Variants in GRIK2 observed in about 807,000 individuals in gnomAD.
The protein encoded by GRIK2 is glutamate receptor ionotropic, kainate 2.
A neutral mutation model predicts 100.3 loss-of-function variants in GRIK2; 32 were observed. That is an observed-to-expected ratio of 0.32 (90% CI 0.24 to 0.43). The LOEUF is 0.43. GRIK2 is among the 20% of genes least tolerant of loss of function. GRIK2 has a pLI of 1.00. For synonymous variants in GRIK2, 417 were observed against 389.4 expected (o/e 1.07, Z -0.83); for missense variants, 843 against 1,114.9 (o/e 0.76, Z 3.47).
intron 14 of GRIK2, among the ~76,000 whole-genome samples, chr6:101,974,783 G>C (rs1002681711): frequency 2.6e-5 from 4 of 151,838 alleles, no homozygotes. Flanking sequence ...TAAATAGCTG[G>C]GTACTAACCT....
chr6:101,424,099 A>G lies in GRIK2; in HGVS notation c.115+24707A>G, dbSNP rs529448176. ...TTTCTGTAAAGAAACAGGAGATTCAACTTGCAATAAAATTCATAACAAGTG... is the reference window on the plus strand; with the variant it reads ...TTTCTGTAAAGAAACAGGAGATTCAGCTTGCAATAAAATTCATAACAAGTG... On this transcript the variant is annotated intron_variant, in intron 2 of 16. Coordinates refer to ENST00000369134, the MANE Select transcript of GRIK2 (RefSeq NM_021956.5). 5.9e-5 allele frequency among the ~76,000 whole-genome samples: 9 copies of G among 152,260 alleles called. No individual in the cohort carries two copies. In the East Asian group the frequency reaches 1.3e-3, roughly 23 times the overall value.
intron 2 of GRIK2, among the ~76,000 whole-genome samples, chr6:101,566,447 A>C (rs1047652005): frequency 1.3e-5 from 2 of 151,946 alleles, no homozygotes; most frequent in Non-Finnish European, 2.9e-5. Flanking sequence ...TCTCCTTTAA[A>C]AAATTTTCTC....
intron 2 of GRIK2, among the ~76,000 whole-genome samples, chr6:101,442,717 A>T (rs1582461570): frequency 2.0e-5 from 3 of 152,062 alleles, no homozygotes; most frequent in South Asian, 4.1e-4. Flanking sequence ...CAACTACTCA[A>T]CCCTACCTTT....
intron 10 of GRIK2, among the ~76,000 whole-genome samples, chr6:101,844,491 C>A (rs1783693831): frequency 6.6e-6 from 1 of 152,032 alleles, no homozygotes; most frequent in Admixed American, 6.6e-5. Context: ...AAATAATGAG[C>A]CATTATTAGC....
chr6:102,065,145 T>G (rs886421551), intron 16 of GRIK2, among the ~76,000 whole-genome samples: 2 of 151,308 alleles, frequency 1.3e-5, no homozygotes, highest in Non-Finnish European at 3.0e-5. Context: ...GATTAAATTT[T>G]TACTTTCTAA....
At chr6:101,844,843 A>T (rs1402843560) in intron 10 of GRIK2, among the ~76,000 whole-genome samples, 1 of 152,166 alleles carries the variant, frequency 6.6e-6, no homozygotes, top group Non-Finnish European at 1.5e-5. Flanking sequence ...AACTTACATG[A>T]TGCAAAATTC....
intron 12 of GRIK2, among the ~76,000 whole-genome samples, chr6:101,911,662 T>C (rs779777848): frequency 5.9e-5 from 9 of 151,636 alleles, no homozygotes; most frequent in Non-Finnish European, 1.2e-4. Flanking sequence ...TTGCCTTTAA[T>C]ACTATTCAAA....
At chr6:101,866,914 G>C (rs1325109408) in intron 11 of GRIK2, among the ~76,000 whole-genome samples, 1 of 151,734 alleles carries the variant, frequency 6.6e-6, no homozygotes, top group Non-Finnish European at 1.5e-5. Context: ...GTGTGTGTGT[G>C]TGTGAATGTG....
At chr6:101,926,091 A>T (rs1309848531) in intron 13 of GRIK2, among the ~76,000 whole-genome samples, 1 of 151,362 alleles carries the variant, frequency 6.6e-6, no homozygotes, top group Non-Finnish European at 1.5e-5. Context: ...AAACTTTTAC[A>T]TGAGCTAACC....
intron 2 of GRIK2, among the ~76,000 whole-genome samples, chr6:101,529,607 C>T (rs575980369): frequency 6.6e-6 from 1 of 152,086 alleles, no homozygotes; most frequent in Non-Finnish European, 1.5e-5. Context: ...ATTCTACAAA[C>T]AAGTTTTGAA....
intron 2 of GRIK2, among the ~76,000 whole-genome samples, chr6:101,615,067 G>T (rs1779831972): frequency 1.3e-5 from 2 of 151,728 alleles, no homozygotes; most frequent in Non-Finnish European, 2.9e-5. Context: ...GGGATCACTT[G>T]ACATTTGGTT....
chr6:101,651,998 C>T (rs530135029), intron 4 of GRIK2, among the ~76,000 whole-genome samples: 1 of 152,170 alleles, frequency 6.6e-6, no homozygotes, highest in Non-Finnish European at 1.5e-5. Context: ...GACAAAGAAG[C>T]AGAGAATAAT....
At chr6:101,933,229 A>T (rs1790399536) in intron 14 of GRIK2, among the ~76,000 whole-genome samples, 1 of 151,922 alleles carries the variant, frequency 6.6e-6, no homozygotes, top group Non-Finnish European at 1.5e-5. Context: ...TACGTTTGTT[A>T]TCCAACCATG....
At chr6:101,874,864 G>A in intron 11 of GRIK2, among the ~76,000 whole-genome samples, 1 of 152,070 alleles carries the variant, frequency 6.6e-6, no homozygotes, top group Non-Finnish European at 1.5e-5. Context: ...AAGCAATTGT[G>A]AATGGGAGTT....
chr6:101,546,312 T>C (rs1776229674), intron 2 of GRIK2, among the ~76,000 whole-genome samples: 1 of 152,204 alleles, frequency 6.6e-6, no homozygotes. Context: ...AATCTACTCA[T>C]TTTAAGCACT....
chr6:101,938,290 A>G (rs892781340), intron 14 of GRIK2, among the ~76,000 whole-genome samples: 3 of 152,102 alleles, frequency 2.0e-5, no homozygotes, highest in Non-Finnish European at 4.4e-5. Flanking sequence ...CAATAATCTT[A>G]CCACTTTATC....
intron 16 of GRIK2, among the ~76,000 whole-genome samples, chr6:102,059,727 T>A (rs570525811): frequency 6.6e-6 from 1 of 150,922 alleles, no homozygotes; most frequent in East Asian, 1.9e-4. Context: ...TTTGCATATG[T>A]CTACTTTTAA....
At chr6:101,858,020 C>A (rs1392284545) in intron 10 of GRIK2, among the ~76,000 whole-genome samples, 1 of 152,190 alleles carries the variant, frequency 6.6e-6, no homozygotes, top group Non-Finnish European at 1.5e-5. Flanking sequence ...TTCAGAGTTT[C>A]AAGTGTCTAG....
intron 11 of GRIK2, among the ~76,000 whole-genome samples, chr6:101,883,642 C>T (rs960158854): frequency 6.6e-6 from 1 of 152,050 alleles, no homozygotes; most frequent in African/African-American, 2.4e-5. Context: ...AACCACTATG[C>T]TCTGGAAACC....
Sources: gnomAD v4.1 joint callset for allele counts (sites outside exome capture counted in the v4.1 genomes callset) on GRCh38, gnomAD v4.1.1 for gene constraint, MANE v1.5 for transcripts, NCBI Gene and HGNC (gene_info 2026-07-23, HGNC 2026-07-21) for gene names.